The following PDIA5 variants were observed in gnomAD, a reference collection of about 807,000 sequenced individuals.
The protein encoded by PDIA5 is protein disulfide isomerase family A member 5, also known as protein disulfide-isomerase A5.
A neutral mutation model predicts 77.6 loss-of-function variants in PDIA5; 58 were observed. That is an observed-to-expected ratio of 0.75 (90% CI 0.61 to 0.93). The LOEUF (loss-of-function observed/expected upper bound fraction) is 0.93, where lower values mean the gene tolerates loss of function less well. Among genes scored for constraint, PDIA5 ranks in the 40% least tolerant of loss-of-function variants. PDIA5 has a pLI of 0.00. For synonymous variants in PDIA5, 250 were observed against 252.1 expected (o/e 0.99, Z 0.08); for missense variants, 630 against 647.7 (o/e 0.97, Z 0.30).
At chr3:123,132,640 G>C (rs1403296503) in intron 11 of PDIA5, among the ~76,000 whole-genome samples, 1 of 152,220 alleles carries the variant, frequency 6.6e-6, no homozygotes, top group Non-Finnish European at 1.5e-5. Context: ...GGCCAGCCAG[G>C]TAGCACTGCA....
chr3:123,124,435 G>A, intron 10 of PDIA5, 92 bp downstream of exon 10: 2 of 908,148 alleles, frequency 2.2e-6, no homozygotes, highest in Non-Finnish European at 3.7e-6. Context: ...CTGGAGGTTG[G>A]GGGAAAGAAT....
intron 11 of PDIA5, among the ~76,000 whole-genome samples, chr3:123,134,771 C>G (rs1935457888): frequency 6.6e-6 from 1 of 152,228 alleles, no homozygotes; most frequent in South Asian, 2.1e-4. Flanking sequence ...TATTCTGCCA[C>G]AGGCCACACT....
chr3:123,095,421 C>T (rs1934407513), intron 3 of PDIA5, among the ~76,000 whole-genome samples: 1 of 151,996 alleles, frequency 6.6e-6, no homozygotes, highest in South Asian at 2.1e-4. Flanking sequence ...GGAGTGAGCC[C>T]CAGGCCATGG....
chr3:123,095,173 G>A (rs558038707), intron 3 of PDIA5, among the ~76,000 whole-genome samples: 6 of 152,208 alleles, frequency 3.9e-5, no homozygotes, highest in Non-Finnish European at 7.3e-5. Context: ...AGCGATATGC[G>A]TTCTGCCTTC....
intron 8 of PDIA5, among the ~76,000 whole-genome samples, chr3:123,121,221 C>T (rs998372682): frequency 2.0e-5 from 3 of 152,208 alleles, no homozygotes; most frequent in African/African-American, 7.2e-5. Flanking sequence ...CATCCCGGGA[C>T]GTCTGTTGAA....
At chr3:123,136,236 C>G (rs1935500133) in intron 11 of PDIA5, among the ~76,000 whole-genome samples, 1 of 152,178 alleles carries the variant, frequency 6.6e-6, no homozygotes, top group Admixed American at 6.5e-5. Context: ...CACTTGGCCA[C>G]TTGTATTTTC....
intron 5 of PDIA5, among the ~76,000 whole-genome samples, chr3:123,105,589 G>T (rs1934703796): frequency 6.6e-6 from 1 of 152,190 alleles, no homozygotes; most frequent in Non-Finnish European, 1.5e-5. Flanking sequence ...TGAAGTCTTG[G>T]CTGTCTCCCA....
intron 14 of PDIA5, among the ~76,000 whole-genome samples, chr3:123,153,712 A>T (rs1287855121): frequency 6.6e-6 from 1 of 152,164 alleles, no homozygotes; most frequent in Non-Finnish European, 1.5e-5. Context: ...TCTGCCAGCC[A>T]GGCCATGTGG....
At chr3:123,113,595 A>G (rs1213252783) in intron 7 of PDIA5, among the ~76,000 whole-genome samples, 1 of 152,172 alleles carries the variant, frequency 6.6e-6, no homozygotes, top group Non-Finnish European at 1.5e-5. Context: ...TTGATTATGC[A>G]CGTGTGTATG....
Position 123,107,231 on chromosome 3 carries a change from G to T in PDIA5, c.480+390G>T, listed in dbSNP as rs572847601. Among the ~76,000 whole-genome samples, 87 of 152,174 alleles carry T rather than the reference G, an allele frequency of 5.7e-4. 1 individual carries two copies. The highest frequency in any genetic ancestry group is 1.1e-3 in the Non-Finnish European group (72 of 67,992). ...TTAAAGAATAACCTTAGAGATTTGG[G>T]TTAGATTTCCAGAGACTTGAGGCAG... On this transcript the variant is annotated intron_variant, in intron 6 of 16. Coordinates refer to ENST00000316218, the MANE Select transcript of PDIA5 (RefSeq NM_006810.4).
At chr3:123,130,363 C>A (rs968733592) in intron 10 of PDIA5, 117 bp from the exon 11 acceptor site, 19 of 1,130,530 alleles carry the variant, frequency 1.7e-5, no homozygotes, top group East Asian at 2.4e-5. Flanking sequence ...AAAGGCTGAG[C>A]CCCTGGAGTG....
At chr3:123,155,440 C>A (rs1479683754) in intron 15 of PDIA5, among the ~76,000 whole-genome samples, 4 of 152,206 alleles carry the variant, frequency 2.6e-5, no homozygotes, top group Non-Finnish European at 5.9e-5. Flanking sequence ...GTCAGTGGAG[C>A]CTCGCCCTGC....
At chr3:123,161,702 C>T (rs1250457013) in intron 16 of PDIA5, 178 bp from the exon 17 acceptor site, 1 of 660,996 alleles carries the variant, frequency 1.5e-6, no homozygotes, top group South Asian at 1.8e-5. Flanking sequence ...GGTTTTCTCA[C>T]TTGCTGGTCG....
intron 3 of PDIA5, among the ~76,000 whole-genome samples, chr3:123,097,103 G>A (rs902804794): frequency 2.6e-5 from 4 of 152,170 alleles, no homozygotes; most frequent in African/African-American, 9.7e-5. Flanking sequence ...GCAAGACTGG[G>A]GGCCTGCCAG....
intron 2 of PDIA5, among the ~76,000 whole-genome samples, chr3:123,090,534 AAGCTGGG>A (rs1213958957): frequency 6.6e-6 from 1 of 152,188 alleles, no homozygotes; most frequent in African/African-American, 2.4e-5. Context: ...GAGGAAATGG[AAGCTGGG>A]AGTAGCGGAC....
At position 123,157,772 on chromosome 3, in the gene PDIA5, C is replaced by T. The variant is rs115343504; in HGVS notation, c.1344+2731C>T. 2.7e-3 allele frequency among the ~76,000 whole-genome samples: 410 copies of T among 152,322 alleles called. 2 individuals are homozygous for T. Among genetic ancestry groups the T allele is most frequent in the African/African-American group, 9.5e-3 (394 of 41,570 alleles). ...CCGGGAGCTTACTTGGGGACTTTATCGGTTGGCACACTGGTGGGGAAAGGA... is the reference window on the plus strand; with the variant it reads ...CCGGGAGCTTACTTGGGGACTTTATTGGTTGGCACACTGGTGGGGAAAGGA... On this transcript the variant is annotated intron_variant, in intron 15 of 16. Transcript: ENST00000316218.
chr3:123,155,763 C>T (rs1936009251), intron 15 of PDIA5, among the ~76,000 whole-genome samples: 1 of 152,170 alleles, frequency 6.6e-6, no homozygotes, highest in Non-Finnish European at 1.5e-5. Flanking sequence ...GCCTAACAGG[C>T]CCTAGAAGCT....
intron 15 of PDIA5, among the ~76,000 whole-genome samples, chr3:123,161,010 G>A (rs1936147588): frequency 6.6e-6 from 1 of 152,156 alleles, no homozygotes; most frequent in Non-Finnish European, 1.5e-5. Context: ...TAGCACCACA[G>A]AACCTGTGGT....
rs1355155109 is a variant in PDIA5, at chr3:123,071,801, G to C, written c.42+4595G>C. Among the ~76,000 whole-genome samples the C allele has an allele frequency of 9.2e-5, 14 of 152,178 alleles. 1 individual carries two copies. The highest frequency in any genetic ancestry group is 9.2e-4 in the Admixed American group (14 of 15,280). ...GTGACAGCAGGGAGCCCCCTGTCCT[G>C]GCTGTAGTGTCCCCAGCACCTAGCC... On this transcript the variant is annotated intron_variant, in intron 1 of 16. Transcript: ENST00000316218.
Sources: allele counts gnomAD v4.1 joint callset (sites outside exome capture counted in the v4.1 genomes callset), GRCh38; gene constraint gnomAD v4.1.1; transcripts MANE v1.5; gene names NCBI Gene and HGNC (gene_info 2026-07-23, HGNC 2026-07-21).